Variants in FLT4 observed in about 807,000 individuals in gnomAD.
The protein encoded by FLT4 is vascular endothelial growth factor receptor 3.
A neutral mutation model predicts 163.2 loss-of-function variants in FLT4; 30 were observed. The observed-to-expected ratio is 0.18, with a 90% confidence interval of 0.14 to 0.25. The LOEUF is 0.25. Ranked by LOEUF, FLT4 falls within the 10% of genes least tolerant of loss-of-function variation. The pLI is 1.00. For synonymous variants in FLT4, 884 were observed against 789.5 expected (o/e 1.12, Z -2.01); for missense variants, 1,510 against 1,863.8 (o/e 0.81, Z 3.50).
At chr5:180,619,515 C>A (rs759459285) in intron 18 of FLT4, 149 bp from the exon 19 acceptor site, 3 of 964,102 alleles carry the variant, frequency 3.1e-6, no homozygotes, top group South Asian at 1.3e-5. Flanking sequence ...GGTGGTCCCT[C>A]GGCTCTGAAG....
intron 2 of FLT4, 127 bp downstream of exon 2, chr5:180,631,555 C>T (rs557433888): frequency 3.6e-5 from 27 of 755,276 alleles, no homozygotes; most frequent in Non-Finnish European, 5.6e-5. Flanking sequence ...GGAGACCACA[C>T]GGCCCCGAGG....
intron 29 of FLT4, among the ~76,000 whole-genome samples, chr5:180,608,628 TCTGGGG>T (rs1033413311): frequency 2.3e-4 from 35 of 152,268 alleles, no homozygotes; most frequent in Admixed American, 1.2e-3. Context: ...GTTCCGGGGT[TCTGGGG>T]CTGGGGTGGC....
At chr5:180,644,341 G>A (rs1765360627) in intron 1 of FLT4, among the ~76,000 whole-genome samples, 1 of 152,224 alleles carries the variant, frequency 6.6e-6, no homozygotes, top group Non-Finnish European at 1.5e-5. Flanking sequence ...CCGGGCGTGT[G>A]GTGGACCTGG....
At chr5:180,618,949 C>A (rs1762893451) in intron 20 of FLT4, 29 bp from the exon 21 acceptor site, 1 of 1,561,914 alleles carries the variant, frequency 6.4e-7, no homozygotes, top group Non-Finnish European at 8.7e-7. Context: ...GGCTCGAGGG[C>A]GCCCAGTCGT....
At chr5:180,605,674 A>T (rs1761743891) in intron 29 of FLT4, among the ~76,000 whole-genome samples, 1 of 152,172 alleles carries the variant, frequency 6.6e-6, no homozygotes, top group East Asian at 1.9e-4. Flanking sequence ...CTTTGAGCAC[A>T]TTCTTCCTTC....
chr5:180,643,496 G>A (rs1204691444), intron 1 of FLT4, among the ~76,000 whole-genome samples: 1 of 151,904 alleles, frequency 6.6e-6, no homozygotes, highest in East Asian at 1.9e-4. Flanking sequence ...CTCTCCCCCC[G>A]GGTGGCAATA....
chr5:180,618,875 G>A lies in FLT4; in HGVS notation c.2896C>T (p.Leu966Phe), dbSNP rs553992094. The change falls in exon 21 of 30, where the codon CTC (leucine) becomes TTC (phenylalanine). Residue 966 changes from leucine to phenylalanine, a missense_variant. This residue lies in a region of FLT4 where 878 missense variants were observed against 1,016.7 expected (regional missense o/e 0.86). Transcript: ENST00000261937. ...GGCCGCCTCCGATCCAGCCTGGCGA[G>A]CTCCACCATGGCGCGGAAGCGTCCG... ...QRGRFRAMVE[L>F]ARLDRRRPGS... 42 of 1,587,674 alleles carry A rather than the reference G, an allele frequency of 2.6e-5. 1 individual carries two copies. The East Asian group carries it at 8.5e-4, about 32-fold the overall frequency.
At chr5:180,606,596 G>C (rs1293593372) in intron 29 of FLT4, among the ~76,000 whole-genome samples, 2 of 152,236 alleles carry the variant, frequency 1.3e-5, no homozygotes, top group African/African-American at 4.8e-5. Flanking sequence ...GCTGTTTCTC[G>C]AAGGTGTGTA....
chr5:180,606,951 G>A (rs994049202), intron 29 of FLT4, among the ~76,000 whole-genome samples: 4 of 151,260 alleles, frequency 2.6e-5, no homozygotes, highest in South Asian at 2.1e-4. Context: ...GGTGGCACAC[G>A]CCTATAATCC....
Position 180,609,011 on chromosome 5 carries a change from A to T in FLT4, c.3850T>A (p.Phe1284Ile). The T allele has an allele frequency of 6.2e-7, 1 of 1,613,308 alleles. No homozygotes were observed. Among genetic ancestry groups the T allele is most frequent in the Non-Finnish European group, 8.5e-7 (1 of 1,179,794 alleles). ...DSGMVLASEE[F>I]EQIESRHRQE... ...CTATGCCTGCTCTCTATCTGCTCAA[A>T]CTCCTCCGAGGCCAGCACCATCCCA... Residue 1284 changes from phenylalanine (F) to isoleucine (I), a missense_variant, in exon 29 of 30, where the codon TTT (phenylalanine) becomes ATT (isoleucine). Phe to Ile is a conservative substitution (Grantham distance 21, BLOSUM62 0). Around this residue, in one of 5 missense-constraint regions of FLT4, gnomAD observed 295 missense variants for 311.0 expected, o/e 0.95. Coordinates refer to ENST00000261937, the MANE Select transcript of FLT4 (RefSeq NM_182925.5).
intron 22 of FLT4, 80 bp from the exon 23 acceptor site, chr5:180,616,569 C>T (rs993647501): frequency 7.8e-6 from 12 of 1,534,438 alleles, no homozygotes; most frequent in Non-Finnish European, 1.1e-5. Context: ...CCAGGGTGCC[C>T]AAGCAGTGGG....
chr5:180,633,918 G>A (rs1354258600), intron 1 of FLT4, among the ~76,000 whole-genome samples: 1 of 152,180 alleles, frequency 6.6e-6, no homozygotes, highest in Admixed American at 6.5e-5. Flanking sequence ...CCCCTACTGA[G>A]GTCTGGAGTG....
intron 18 of FLT4, 133 bp downstream of exon 18, chr5:180,619,532 G>A (rs753537636): frequency 2.0e-6 from 2 of 987,582 alleles, no homozygotes; most frequent in Admixed American, 3.4e-5. Context: ...GAAGCCCGCA[G>A]CCTCCCTGTA....
At chr5:180,611,968 G>A (rs1271484956) in intron 26 of FLT4, among the ~76,000 whole-genome samples, 1 of 152,162 alleles carries the variant, frequency 6.6e-6, no homozygotes, top group Non-Finnish European at 1.5e-5. Flanking sequence ...TTCTTTGGAT[G>A]GAACTAGACC....
At position 180,645,141 on chromosome 5, in the gene FLT4, G is replaced by A. The variant is rs543631469; in HGVS notation, c.58+4347C>T. 2.0e-5 allele frequency among the ~76,000 whole-genome samples: 3 copies of A among 152,358 alleles called. No individual in the cohort carries two copies. In the South Asian group the frequency reaches 6.2e-4, roughly 32 times the overall value. On this transcript the variant is annotated intron_variant, in intron 1 of 29. Coordinates refer to ENST00000261937, the MANE Select transcript of FLT4 (RefSeq NM_182925.5). ...TTATCTTGTGGGTGAGTTGGGGGGGGCCCTGAAGGCTCATTTACAGCAGTC... is the reference window on the plus strand; with the variant it reads ...TTATCTTGTGGGTGAGTTGGGGGGGACCCTGAAGGCTCATTTACAGCAGTC...
Position 180,629,277 on chromosome 5 carries a change from T to C in FLT4, c.967A>G (p.Thr323Ala), listed in dbSNP as rs1763894703. The C allele has an allele frequency of 1.2e-6, 2 of 1,612,984 alleles. No homozygotes were observed. Among genetic ancestry groups the C allele is most frequent in the African/African-American group, 1.3e-5 (1 of 74,936 alleles). The stretch of plus-strand genomic sequence containing the variant: ...GCCATACCATGCACAATGACCTCGG[T>C]GCTCTCCCGAAATCGCTGGATGCCG... ...NNGIQRFRES[T>A]EVIVHENPFI... The change falls in exon 7 of 30, where the codon ACC becomes GCC. Residue 323 changes from threonine to alanine, a missense_variant. By Grantham distance (58) the Thr-to-Ala change is moderately conservative. Coordinates refer to ENST00000261937, the MANE Select transcript of FLT4 (RefSeq NM_182925.5).
chr5:180,619,758 C>T lies in FLT4; in HGVS notation c.2554G>A (p.Gly852Ser). ...RERLHLGRVL[G>S]YGAFGKVVEA... ...ACCACCTTCCCGAAGGCGCCGTAGC[C>T]GAGCACTCTCCCTGTCGGGGCAGGG... The change falls in exon 18 of 30, where the codon GGC becomes AGC. Residue 852 changes from glycine to serine, a missense_variant. Gly to Ser is a moderately conservative substitution (Grantham distance 56, BLOSUM62 0). Coordinates refer to ENST00000261937, the MANE Select transcript of FLT4 (RefSeq NM_182925.5). The T allele has an allele frequency of 2.5e-6, 4 of 1,612,050 alleles. No homozygotes were observed. The highest frequency in any genetic ancestry group is 3.4e-6 in the Non-Finnish European group (4 of 1,179,630).
intron 29 of FLT4, 30 bp downstream of exon 29, chr5:180,608,938 T>TG (rs1437527825): frequency 6.4e-7 from 1 of 1,571,538 alleles, no homozygotes; most frequent in African/African-American, 1.4e-5. Context: ...CATCGATACC[T>TG]GCAGTGCAGG....
At position 180,616,485 on chromosome 5, in the gene FLT4, A is replaced by T; in HGVS notation, c.3101T>A (p.Ile1034Asn). 6.2e-7 allele frequency: 1 copy of T among 1,613,678 alleles called. No homozygotes were observed. The highest frequency in any genetic ancestry group is 8.5e-7 in the Non-Finnish European group (1 of 1,179,964). The change falls in exon 23 of 30, where the codon ATC (isoleucine) becomes AAC (asparagine). Residue 1034 changes from isoleucine to asparagine, a missense_variant. By Grantham distance (149) the Ile-to-Asn change is moderately radical. Coordinates refer to ENST00000261937, the MANE Select transcript of FLT4 (RefSeq NM_182925.5). ...GMEFLASRKCIHRDLAARNIL... is the reference protein window; with the variant it reads ...GMEFLASRKCNHRDLAARNIL... Reference sequence around the variant, plus strand: ...GTTCCGAGCAGCCAGGTCTCTGTGGATGCACTGGGGTGCGGGGAGGCGGCA... The same window carrying T: ...GTTCCGAGCAGCCAGGTCTCTGTGGTTGCACTGGGGTGCGGGGAGGCGGCA...
Sources: gnomAD v4.1 joint callset for allele counts (sites outside exome capture counted in the v4.1 genomes callset) on GRCh38, gnomAD v4.1.1 for gene constraint, gnomAD v4.1.1 regional missense constraint, MANE v1.5 for transcripts, NCBI Gene and HGNC (gene_info 2026-07-23, HGNC 2026-07-21) for gene names.